PATJ: variants seen among roughly 807,000 people sequenced by gnomAD.
PATJ encodes inaD-like protein.
A neutral mutation model predicts 224.9 loss-of-function variants in PATJ; 190 were observed. The observed-to-expected ratio is 0.84, with a 90% CI of 0.75 to 0.95. The LOEUF is 0.95. Ranked by LOEUF, PATJ falls within the 40% of genes least tolerant of loss-of-function variation. The probability of loss-of-function intolerance (pLI) is 0.00; values close to 1 mark genes in which losing one functional copy is unlikely to be tolerated. For missense variants in PATJ, 2,121 were observed against 2,270.3 expected (o/e 0.93, Z 1.34); for synonymous variants, 769 against 820.3 (o/e 0.94, Z 1.07).
In PATJ at chr1:61,988,114, G is replaced by C. The variant is rs529279124; in HGVS notation, c.3671-2054G>C. On this transcript the variant is annotated intron_variant, in intron 27 of 43. Transcript: ENST00000642238. ...CTCAGGAGGCTGAGGCACAAGAATC[G>C]CTTGAACCTGGGAGGTGGAGGTTGC... Among the ~76,000 whole-genome samples, 426 of 152,268 alleles carry C rather than the reference G, an allele frequency of 2.8e-3. 2 individuals carry two copies. Among genetic ancestry groups the C allele is most frequent in the Non-Finnish European group, 4.2e-3 (287 of 68,018 alleles).
chr1:62,017,000 T>A (rs1467512010), intron 28 of PATJ, among the ~76,000 whole-genome samples: 2 of 152,202 alleles, frequency 1.3e-5, no homozygotes, highest in African/African-American at 4.8e-5. Flanking sequence ...TTTCTTGAAG[T>A]TTAGCAAAAG....
Position 61,912,619 on chromosome 1 carries a change from TGAAA to T in PATJ, c.3493-1957_3493-1954del, listed in dbSNP as rs370881567. ...CTGTCTCAACGAATGAACAAACCAA[TGAAA>T]GAAAGAAAGATAAGAAAGAGAGAGA... On this transcript the variant is annotated intron_variant, in intron 25 of 43. Transcript: ENST00000642238. 2.3e-3 allele frequency among the ~76,000 whole-genome samples: 318 copies of T among 136,198 alleles called. 3 individuals are homozygous for T. The highest frequency in any genetic ancestry group is 8.2e-3 in the African/African-American group (305 of 37,042). 89.4% of individuals were successfully genotyped at this position (136,198 alleles called of 152,430 possible). A position where few individuals can be genotyped will look rare whatever the true frequency, so the allele number is the denominator to read the frequency against.
intron 27 of PATJ, among the ~76,000 whole-genome samples, chr1:61,985,611 A>G (rs930017445): frequency 3.9e-5 from 6 of 152,030 alleles, no homozygotes; most frequent in Non-Finnish European, 5.9e-5. Flanking sequence ...CACAATTGTA[A>G]AGCTGTTTGA....
chr1:61,792,539 G>GTT (rs201403192), intron 9 of PATJ, among the ~76,000 whole-genome samples: 1 of 147,464 alleles, frequency 6.8e-6, no homozygotes. Flanking sequence ...ATTTGTTTTT[G>GTT]TTTTTTTTTT....
At chr1:62,142,934 G>A (rs948704800) in intron 41 of PATJ, among the ~76,000 whole-genome samples, 4 of 152,124 alleles carry the variant, frequency 2.6e-5, no homozygotes. Flanking sequence ...TTTAAGCAGG[G>A]GAGTGCGGAT....
chr1:61,871,493 G>A (rs987989560), intron 20 of PATJ, among the ~76,000 whole-genome samples: 143 of 28,022 alleles, frequency 5.1e-3, no homozygotes, highest in African/African-American at 0.018. Flanking sequence ...GTGTATATAT[G>A]TATATATACA....
chr1:61,794,304 C>T (rs1367080632), intron 9 of PATJ, among the ~76,000 whole-genome samples: 1 of 151,884 alleles, frequency 6.6e-6, no homozygotes, highest in Non-Finnish European at 1.5e-5. Flanking sequence ...CGCCATTACA[C>T]CTAGCTAATT....
At chr1:61,816,835 T>C (rs1656205530) in intron 14 of PATJ, among the ~76,000 whole-genome samples, 1 of 152,172 alleles carries the variant, frequency 6.6e-6, no homozygotes, top group Admixed American at 6.5e-5. Context: ...GGTTACCTAG[T>C]AGTGCAGGTG....
chr1:61,884,752 C>T (rs1668587670), intron 22 of PATJ, among the ~76,000 whole-genome samples: 1 of 152,064 alleles, frequency 6.6e-6, no homozygotes, highest in African/African-American at 2.4e-5. Context: ...AATCCCTTGA[C>T]TCATTACATG....
chr1:62,117,010 G>T (rs558992630), intron 36 of PATJ, 122 bp from the exon 37 acceptor site: 3 of 783,270 alleles, frequency 3.8e-6, no homozygotes, highest in Non-Finnish European at 6.2e-6. Flanking sequence ...TCTCTCTAGG[G>T]CTATGCCTGT....
chr1:61,860,442 TG>T (rs1664358056), intron 18 of PATJ, among the ~76,000 whole-genome samples: 2 of 152,188 alleles, frequency 1.3e-5, no homozygotes, highest in South Asian at 4.1e-4. Context: ...CAGACAGCTA[TG>T]GGTTTTTGCT....
Position 61,886,694 on chromosome 1 carries a change from C to T in PATJ, c.3131+2286C>T, listed in dbSNP as rs574068374. ...AATTAGCCAGGCATGGTGGTGTGCA[C>T]CTGTAACCCCAGCTACTCTGGTGGC... On this transcript the variant is annotated intron_variant, in intron 22 of 43. Transcript: ENST00000642238. Among the ~76,000 whole-genome samples the T allele has an allele frequency of 2.7e-4, 41 of 151,874 alleles. 1 individual carries two copies. The highest frequency in any genetic ancestry group is 9.2e-4 in the African/African-American group (38 of 41,434).
rs182926726 is a variant in PATJ, at chr1:61,950,670, A to G, written c.3670+22841A>G. Reference sequence around the variant, plus strand: ...CGTCAAACTGTGTTTAACAAAATTTATATGTTCATTTCACCAAATATTTGA... The same window carrying G: ...CGTCAAACTGTGTTTAACAAAATTTGTATGTTCATTTCACCAAATATTTGA... On this transcript the variant is annotated intron_variant, in intron 27 of 43. Transcript: ENST00000642238. Among the ~76,000 whole-genome samples the G allele has an allele frequency of 1.4e-4, 22 of 152,272 alleles. No individual in the cohort carries two copies. In the East Asian group the frequency reaches 4.0e-3, roughly 28 times the overall value.
intron 1 of PATJ, among the ~76,000 whole-genome samples, chr1:61,758,401 T>G (rs1032439785): frequency 2.0e-5 from 3 of 152,208 alleles, no homozygotes; most frequent in Non-Finnish European, 4.4e-5. Context: ...CAGGCTGGAG[T>G]GCAGTGGCAT....
At chr1:61,908,206 T>G (rs557283238) in intron 24 of PATJ, among the ~76,000 whole-genome samples, 166 bp from the exon 25 acceptor site, 63 of 152,352 alleles carry the variant, frequency 4.1e-4, no homozygotes, top group African/African-American at 1.4e-3. Flanking sequence ...GAACATGTTC[T>G]TCTAAAATTG....
rs370630963 is a variant in PATJ at position 62,143,067 on chromosome 1, T to C, written c.5272-5217T>C. Among the ~76,000 whole-genome samples, 244 of 152,168 alleles carry C rather than the reference T, an allele frequency of 1.6e-3. 4 individuals are homozygous for C. In the South Asian group the frequency reaches 0.033, roughly 20 times the overall value. On this transcript the variant is annotated intron_variant, in intron 41 of 43. Transcript: ENST00000642238. ...CTGAATTAGGATGGTCACCTGTAGA[T>C]GGAAAGTAAAGTTTTGAGAAGGATT...
chr1:61,948,304 AATCT>A (rs2149372040), intron 27 of PATJ, among the ~76,000 whole-genome samples: 1 of 152,328 alleles, frequency 6.6e-6, no homozygotes, highest in South Asian at 2.1e-4. Flanking sequence ...AAATTTTTAC[AATCT>A]ATCCATCTGA....
intron 26 of PATJ, among the ~76,000 whole-genome samples, chr1:61,926,928 G>GT (rs576818857): frequency 1.3e-5 from 2 of 152,094 alleles, no homozygotes; most frequent in Non-Finnish European, 2.9e-5. Flanking sequence ...CAGTTATTTT[G>GT]TTTTTTCTGG....
rs368582239 is a variant in PATJ, at chr1:61,756,158, G to A, written c.-35-6700G>A. ...CCATATTGCAGGAAAGTTTCTAAAT[G>A]TTCATTCCCAATTTCGATACTTGTG... On this transcript the variant is annotated intron_variant, in intron 1 of 43. Transcript: ENST00000642238. 2.2e-4 allele frequency among the ~76,000 whole-genome samples: 34 copies of A among 152,296 alleles called. No homozygotes were observed. The South Asian group carries it at 6.4e-3, about 29-fold the overall frequency.
Sources: allele counts gnomAD v4.1 joint callset (sites outside exome capture counted in the v4.1 genomes callset), GRCh38; gene constraint gnomAD v4.1.1; transcripts MANE v1.5; gene names NCBI Gene and HGNC (gene_info 2026-07-23, HGNC 2026-07-21).